SMYD3: variants seen among roughly 807,000 people sequenced by gnomAD.
SMYD3 encodes the protein SET and MYND domain containing 3.
A neutral mutation model predicts 57.7 loss-of-function variants in SMYD3; 36 were observed. The ratio of observed to expected loss-of-function variants is 0.62; its 90% CI spans 0.48 to 0.82. SMYD3 has a LOEUF of 0.82. Ranked by LOEUF, SMYD3 falls within the 40% of genes least tolerant of loss-of-function variation. The pLI is 0.00. For synonymous variants in SMYD3, 211 were observed against 195.0 expected (o/e 1.08, Z -0.68); for missense variants, 515 against 538.8 (o/e 0.96, Z 0.44).
intron 8 of SMYD3, among the ~76,000 whole-genome samples, chr1:245,865,288 T>C (rs1179939637): frequency 6.6e-6 from 1 of 152,126 alleles, no homozygotes; most frequent in African/African-American, 2.4e-5. Flanking sequence ...AAGTCTACCC[T>C]GGGTCAGGCA....
chr1:246,295,242 T>C (rs533056580), intron 5 of SMYD3, among the ~76,000 whole-genome samples: 8 of 152,238 alleles, frequency 5.3e-5, no homozygotes, highest in African/African-American at 1.9e-4. Flanking sequence ...GACCAAACTG[T>C]GATTCTCTTT....
rs537131541 is a variant in SMYD3 at position 245,934,205 on chromosome 1, C to T, written c.532-4268G>A. Among the ~76,000 whole-genome samples, 18 of 152,234 alleles carry T rather than the reference C, an allele frequency of 1.2e-4. No homozygotes were observed. The South Asian group carries it at 1.5e-3, about 12-fold the overall frequency. ...AGGGACTAAATATGAGTTTTCAAAA[C>T]GGAGTTTAATGTACTTAGTTTTATT... is the stretch of plus-strand genomic sequence containing the variant. On this transcript the variant is annotated intron_variant, in intron 5 of 11. Transcript: ENST00000490107.
Position 246,378,205 on chromosome 1 carries a change from T to C in SMYD3, c.165-23111A>G, listed in dbSNP as rs368918168. The stretch of plus-strand genomic sequence containing the variant: ...GGCACTATGAAAGAATATAATACTG[T>C]AATTAAATAGCTTACACTAGTGCCA... On this transcript the variant is annotated intron_variant, in intron 1 of 11. Transcript: ENST00000490107. 9.1e-4 allele frequency among the ~76,000 whole-genome samples: 138 copies of C among 152,326 alleles called. 2 individuals are homozygous for C. Among genetic ancestry groups the C allele is most frequent in the African/African-American group, 3.1e-3 (129 of 41,560 alleles).
chr1:246,446,223 C>G (rs114719919), intron 1 of SMYD3, among the ~76,000 whole-genome samples: 1 of 152,186 alleles, frequency 6.6e-6, no homozygotes, highest in African/African-American at 2.4e-5. Flanking sequence ...CATTTTACTA[C>G]TGGCCAAACT....
At chr1:245,977,405 A>G (rs13376261) in intron 5 of SMYD3, among the ~76,000 whole-genome samples, 24,415 of 152,122 alleles carry the variant, frequency 0.16, 2,113 homozygotes, top group South Asian at 0.24. Context: ...GGGGCCACGC[A>G]CGGTGGCTCA....
intron 5 of SMYD3, among the ~76,000 whole-genome samples, chr1:246,173,803 T>C (rs1402858185): frequency 6.6e-6 from 1 of 152,108 alleles, no homozygotes; most frequent in African/African-American, 2.4e-5. Flanking sequence ...TTACAGTTAA[T>C]TTTTTAATGC....
At chr1:246,469,635 CTAATAA>C (rs1267008469) in intron 1 of SMYD3, among the ~76,000 whole-genome samples, 2 of 152,096 alleles carry the variant, frequency 1.3e-5, no homozygotes, top group South Asian at 2.1e-4. Flanking sequence ...TGAGTCCATA[CTAATAA>C]TAAATAGATA....
chr1:245,964,669 T>C (rs1336096538), intron 5 of SMYD3, among the ~76,000 whole-genome samples: 1 of 152,064 alleles, frequency 6.6e-6, no homozygotes, highest in African/African-American at 2.4e-5. Context: ...TCAAAATCAT[T>C]TTAACAGACT....
intron 5 of SMYD3, among the ~76,000 whole-genome samples, chr1:246,105,717 TTACCTCAGAGAAGA>T (rs1339091143): frequency 1.8e-4 from 27 of 152,244 alleles, no homozygotes; most frequent in Admixed American, 4.6e-4. Flanking sequence ...ATGTTAGAGG[TTACCTCAGAGAAGA>T]CACACAGAGA....
chr1:246,081,368 T>C (rs1281863080), intron 5 of SMYD3, among the ~76,000 whole-genome samples: 1 of 152,124 alleles, frequency 6.6e-6, no homozygotes, highest in Non-Finnish European at 1.5e-5. Flanking sequence ...CGGAAGACTT[T>C]TTGTTGTTGT....
At position 245,966,457 on chromosome 1, in the gene SMYD3, C is replaced by T. The variant is rs139733237; in HGVS notation, c.532-36520G>A. 5.0e-3 allele frequency among the ~76,000 whole-genome samples: 757 copies of T among 152,278 alleles called. 8 individuals are homozygous for T. Among genetic ancestry groups the T allele is most frequent in the African/African-American group, 0.017 (696 of 41,534 alleles). ...GGGCCGGGATTACAGGCGCACATCACGATGCCAGACCCAATTTTGCTATTT... is the reference window on the plus strand; with the variant it reads ...GGGCCGGGATTACAGGCGCACATCATGATGCCAGACCCAATTTTGCTATTT... On this transcript the variant is annotated intron_variant, in intron 5 of 11. Coordinates refer to ENST00000490107, the MANE Select transcript of SMYD3 (RefSeq NM_001167740.2).
chr1:246,053,786 T>C (rs2060102810), intron 5 of SMYD3, among the ~76,000 whole-genome samples: 1 of 148,332 alleles, frequency 6.7e-6, no homozygotes, highest in African/African-American at 2.5e-5. Context: ...CCGATCTCTA[T>C]GGAAAAAAAA....
chr1:245,980,379 C>A (rs2058565396), intron 5 of SMYD3, among the ~76,000 whole-genome samples: 1 of 152,156 alleles, frequency 6.6e-6, no homozygotes, highest in South Asian at 2.1e-4. Flanking sequence ...AGGGCAGGAC[C>A]CAAGTCCTAC....
intron 5 of SMYD3, among the ~76,000 whole-genome samples, chr1:246,190,584 CAAAAAAAAAAAAA>C (rs11302731): frequency 3.2e-5 from 2 of 63,008 alleles, no homozygotes; most frequent in African/African-American, 6.7e-5. Flanking sequence ...GACTCTGTCT[CAAAAAAAAAAAAA>C]AAAAAAAAAA....
chr1:246,012,925 T>G (rs978863565), intron 5 of SMYD3, among the ~76,000 whole-genome samples: 1 of 152,208 alleles, frequency 6.6e-6, no homozygotes, highest in East Asian at 1.9e-4. Flanking sequence ...TCTACTGTAC[T>G]GACATTTCTG....
chr1:246,088,472 T>C (rs554688494), intron 5 of SMYD3, among the ~76,000 whole-genome samples: 1 of 133,184 alleles, frequency 7.5e-6, no homozygotes, highest in Middle Eastern at 3.6e-3. Flanking sequence ...TAGCCGGGCG[T>C]GGTGACAGGC....
chr1:246,247,874 T>C (rs2063734098), intron 5 of SMYD3, among the ~76,000 whole-genome samples: 1 of 152,186 alleles, frequency 6.6e-6, no homozygotes, highest in African/African-American at 2.4e-5. Flanking sequence ...AGAACCTGGA[T>C]AAGTACTGCC....
intron 5 of SMYD3, among the ~76,000 whole-genome samples, chr1:246,101,350 G>T (rs768622370): frequency 5.9e-5 from 9 of 152,056 alleles, no homozygotes; most frequent in Non-Finnish European, 8.8e-5. Context: ...TCCTTTAAAT[G>T]CTGCTTAAAA....
intron 5 of SMYD3, among the ~76,000 whole-genome samples, chr1:246,194,021 G>A (rs1180320677): frequency 1.3e-5 from 2 of 152,102 alleles, no homozygotes; most frequent in African/African-American, 4.8e-5. Flanking sequence ...TGGGGGTGGC[G>A]CACAATTAAG....
Sources: gnomAD v4.1 joint callset for allele counts (sites outside exome capture counted in the v4.1 genomes callset) on GRCh38, gnomAD v4.1.1 for gene constraint, MANE v1.5 for transcripts, NCBI Gene and HGNC (gene_info 2026-07-23, HGNC 2026-07-21) for gene names.